Variants in CDK19 observed in about 807,000 individuals in gnomAD.
The protein encoded by CDK19 is cyclin-dependent kinase 19.
A neutral mutation model predicts 68.3 loss-of-function variants in CDK19; 20 were observed. That is an observed-to-expected ratio of 0.29 (90% CI 0.21 to 0.43). The LOEUF is 0.43. CDK19 is among the 20% of genes least tolerant of loss of function. The pLI is 1.00. For synonymous variants in CDK19, 221 were observed against 222.8 expected (o/e 0.99, Z 0.07); for missense variants, 339 against 623.5 (o/e 0.54, Z 4.86).
intron 1 of CDK19, among the ~76,000 whole-genome samples, chr6:110,797,530 G>A (rs948764492): frequency 3.3e-5 from 5 of 151,904 alleles, no homozygotes; most frequent in African/African-American, 4.8e-5. Context: ...AGAAATGAAC[G>A]GAAGAAAGAA....
intron 10 of CDK19, among the ~76,000 whole-genome samples, chr6:110,622,443 G>A (rs1253494305): frequency 6.6e-6 from 1 of 152,186 alleles, no homozygotes; most frequent in African/African-American, 2.4e-5. Context: ...TATACTTGGG[G>A]TTAAGAAGGA....
At chr6:110,660,619 G>A (rs1363889963) in intron 4 of CDK19, among the ~76,000 whole-genome samples, 14 of 144,400 alleles carry the variant, frequency 9.7e-5, no homozygotes, top group African/African-American at 3.3e-4. Context: ...CTGAAAAGGG[G>A]ATGGAGCAGG....
chr6:110,670,737 C>A, intron 2 of CDK19, 196 bp from the exon 3 acceptor site: 1 of 650,326 alleles, frequency 1.5e-6, no homozygotes, highest in Non-Finnish European at 2.8e-6. Context: ...TCTTTCCAAT[C>A]CTTTTTCTAT....
chr6:110,789,153 T>A (rs1315996412), intron 1 of CDK19, among the ~76,000 whole-genome samples: 1 of 152,244 alleles, frequency 6.6e-6, no homozygotes, highest in East Asian at 1.9e-4. Flanking sequence ...TAGTACAGTA[T>A]GTACAACAGT....
At chr6:110,704,330 A>G (rs1370222998) in intron 2 of CDK19, among the ~76,000 whole-genome samples, 2 of 152,092 alleles carry the variant, frequency 1.3e-5, no homozygotes, top group African/African-American at 2.4e-5. Context: ...GGGAAGCCCT[A>G]TCTTTTTTTA....
At chr6:110,739,796 A>T (rs1379281250) in intron 2 of CDK19, among the ~76,000 whole-genome samples, 1 of 147,326 alleles carries the variant, frequency 6.8e-6, no homozygotes, top group Non-Finnish European at 1.5e-5. Context: ...ATGCCCAGCT[A>T]ATTATTATTA....
intron 4 of CDK19, among the ~76,000 whole-genome samples, chr6:110,645,093 C>A (rs897227490): frequency 6.6e-5 from 10 of 152,096 alleles, no homozygotes. Context: ...CCAAAGGATA[C>A]AATTAACTAG....
chr6:110,773,047 C>T (rs9918409), intron 1 of CDK19, among the ~76,000 whole-genome samples: 1 of 139,644 alleles, frequency 7.2e-6, no homozygotes. Context: ...GAAACCCCGT[C>T]TCTTAAAAAA....
chr6:110,638,577 C>A, intron 5 of CDK19, 72 bp downstream of exon 5: 1 of 769,006 alleles, frequency 1.3e-6, no homozygotes, highest in Non-Finnish European at 2.3e-6. Context: ...TAAATAAGGG[C>A]ATTAAAAAGG....
intron 5 of CDK19, among the ~76,000 whole-genome samples, chr6:110,633,740 A>G (rs954954810): frequency 6.6e-6 from 1 of 152,196 alleles, no homozygotes; most frequent in South Asian, 2.1e-4. Context: ...CATATACATC[A>G]TATTTCACCT....
Position 110,800,869 on chromosome 6 carries a change from C to T in CDK19, c.128+14140G>A, listed in dbSNP as rs148116744. On this transcript the variant is annotated intron_variant, in intron 1 of 12. Coordinates refer to ENST00000368911, the MANE Select transcript of CDK19 (RefSeq NM_015076.5). ...ATACTGAAAGAGCAAAAGTTGGATG[C>T]ATTCCCCCAAGAACTGAAACAAGAC... Among the ~76,000 whole-genome samples, 44 of 152,186 alleles carry T rather than the reference C, an allele frequency of 2.9e-4. No homozygotes were observed. The East Asian group carries it at 8.3e-3, about 29-fold the overall frequency.
Position 110,769,579 on chromosome 6 carries a change from AT to A in CDK19, c.129-23379del, listed in dbSNP as rs370801130. Among the ~76,000 whole-genome samples the A allele has an allele frequency of 6.6e-3, 967 of 145,566 alleles. 14 individuals carry two copies. The highest frequency in any genetic ancestry group is 0.023 in the African/African-American group (911 of 40,068). On this transcript the variant is annotated intron_variant, in intron 1 of 12. Coordinates refer to ENST00000368911, the MANE Select transcript of CDK19 (RefSeq NM_015076.5). ...GATTCCATCTCAAAAAAAAAAAAAAATAATAATAATAATAATAATAGGGAAA... is the reference window on the plus strand; with the variant it reads ...GATTCCATCTCAAAAAAAAAAAAAAAAATAATAATAATAATAATAGGGAAA...
chr6:110,652,491 GCTAT>G (rs1781035032), intron 4 of CDK19, among the ~76,000 whole-genome samples: 1 of 152,154 alleles, frequency 6.6e-6, no homozygotes, highest in Admixed American at 6.5e-5. Flanking sequence ...TATCAAATAA[GCTAT>G]CTTATTTTTT....
At chr6:110,689,705 T>C (rs984371362) in intron 2 of CDK19, among the ~76,000 whole-genome samples, 1 of 152,124 alleles carries the variant, frequency 6.6e-6, no homozygotes, top group African/African-American at 2.4e-5. Flanking sequence ...TCTGCGTCAC[T>C]CCCCGGCCAC....
At chr6:110,639,155 CA>C (rs1480507589) in intron 4 of CDK19, among the ~76,000 whole-genome samples, 1 of 152,118 alleles carries the variant, frequency 6.6e-6, no homozygotes, top group Non-Finnish European at 1.5e-5. Flanking sequence ...CAGCATTCAA[CA>C]ACTCTATTAA....
intron 6 of CDK19, among the ~76,000 whole-genome samples, chr6:110,628,044 T>C (rs1353127091): frequency 1.3e-5 from 2 of 152,068 alleles, no homozygotes; most frequent in Non-Finnish European, 2.9e-5. Context: ...ACCCTGTCTC[T>C]ATTAAAAATA....
At chr6:110,750,017 G>A (rs1362755504) in intron 1 of CDK19, among the ~76,000 whole-genome samples, 3 of 145,320 alleles carry the variant, frequency 2.1e-5, no homozygotes, top group Admixed American at 6.7e-5. Context: ...TGATCCGCCC[G>A]CCTTGGCCTC....
chr6:110,805,595 A>G (rs547139271), intron 1 of CDK19, among the ~76,000 whole-genome samples: 1 of 148,458 alleles, frequency 6.7e-6, no homozygotes, highest in African/African-American at 2.6e-5. Context: ...ACCTATACAA[A>G]AAGTTGGCCC....
At chr6:110,744,611 AT>A (rs147662385) in intron 2 of CDK19, among the ~76,000 whole-genome samples, 3,118 of 152,260 alleles carry the variant, frequency 0.02, 91 homozygotes, top group African/African-American at 0.072. Flanking sequence ...CTGTTCATTC[AT>A]TTATTTATTC....
Sources: allele counts gnomAD v4.1 joint callset (sites outside exome capture counted in the v4.1 genomes callset), GRCh38; gene constraint gnomAD v4.1.1; transcripts MANE v1.5; gene names NCBI Gene and HGNC (gene_info 2026-07-23, HGNC 2026-07-21).